PRR16: variants seen among roughly 807,000 people sequenced by gnomAD.
PRR16 encodes the protein proline rich 16.
Under a neutral mutation model 18.2 loss-of-function variants are expected in PRR16, and 6 were observed. The ratio of observed to expected loss-of-function variants is 0.33; its 90% CI spans 0.18 to 0.65. The LOEUF (loss-of-function observed/expected upper bound fraction) is 0.65. PRR16 is among the 30% of genes least tolerant of loss of function. The pLI is 0.74. For missense variants in PRR16, 412 were observed against 376.6 expected (o/e 1.09, Z -0.78); for synonymous variants, 151 against 147.8 (o/e 1.02, Z -0.16).
chr5:120,773,532 T>C, the PRR16 span, among the ~76,000 whole-genome samples: 2 of 152,182 alleles, frequency 1.3e-5, no homozygotes, highest in South Asian at 4.1e-4. Flanking sequence ...CTCAATACTT[T>C]CATTTCTTTC....
intron 1 of PRR16, among the ~76,000 whole-genome samples, chr5:120,558,133 G>T (rs1374329271): frequency 6.6e-6 from 1 of 151,814 alleles, no homozygotes; most frequent in Non-Finnish European, 1.5e-5. Flanking sequence ...TTTATCCTTT[G>T]TTTTACAAAT....
intron 1 of PRR16, among the ~76,000 whole-genome samples, chr5:120,468,189 G>C (rs1749163394): frequency 6.6e-6 from 1 of 152,190 alleles, no homozygotes; most frequent in African/African-American, 2.4e-5. Flanking sequence ...AGCTTAAAAA[G>C]ATGAAAATAT....
intron 1 of PRR16, among the ~76,000 whole-genome samples, chr5:120,553,704 C>A (rs950652883): frequency 3.3e-5 from 5 of 151,878 alleles, no homozygotes; most frequent in African/African-American, 1.2e-4. Context: ...GTCTTTCATT[C>A]CGCAATTCTG....
intron 1 of PRR16, among the ~76,000 whole-genome samples, chr5:120,555,807 T>G (rs149788330): frequency 3.4e-5 from 5 of 145,056 alleles, no homozygotes; most frequent in Non-Finnish European, 6.1e-5. Context: ...AAAGGTTTTT[T>G]TTTTTTTTAT....
the PRR16 span, among the ~76,000 whole-genome samples, chr5:120,726,904 T>C: frequency 1.3e-3 from 196 of 152,232 alleles, 1 homozygote; most frequent in African/African-American, 4.5e-3. Flanking sequence ...ATTGTTACTA[T>C]AGTTTAGAAG....
intron 1 of PRR16, among the ~76,000 whole-genome samples, chr5:120,622,812 A>G (rs1344401036): frequency 6.6e-6 from 1 of 152,004 alleles, no homozygotes; most frequent in Non-Finnish European, 1.5e-5. Context: ...TACTTCTTGC[A>G]CTCTTTAAAT....
intron 1 of PRR16, among the ~76,000 whole-genome samples, chr5:120,613,731 T>G (rs556305901): frequency 2.8e-3 from 430 of 152,310 alleles, no homozygotes; most frequent in Non-Finnish European, 4.8e-3. Context: ...ACACATCGTT[T>G]AGATGATGGC....
the PRR16 span, among the ~76,000 whole-genome samples, chr5:120,771,511 C>T: frequency 2.0e-5 from 3 of 152,036 alleles, no homozygotes; most frequent in South Asian, 2.1e-4. Flanking sequence ...ACTATACAAT[C>T]GAGAGATGTC....
intron 1 of PRR16, among the ~76,000 whole-genome samples, chr5:120,524,889 A>C (rs767965167): frequency 6.6e-6 from 1 of 152,138 alleles, no homozygotes; most frequent in Non-Finnish European, 1.5e-5. Context: ...GCTGGCAAAA[A>C]GGTTAACCAT....
chr5:120,753,621 T>C, the PRR16 span, among the ~76,000 whole-genome samples: 1 of 151,340 alleles, frequency 6.6e-6, no homozygotes, highest in Non-Finnish European at 1.5e-5. Flanking sequence ...ATGGTGATGA[T>C]AGTGATGAAT....
At chr5:120,731,593 T>G in the PRR16 span, among the ~76,000 whole-genome samples, 12 of 152,204 alleles carry the variant, frequency 7.9e-5, no homozygotes, top group Non-Finnish European at 1.6e-4. Context: ...TACCAGCACA[T>G]CATTGGATTT....
chr5:120,764,731 A>T, the PRR16 span, among the ~76,000 whole-genome samples: 1 of 152,080 alleles, frequency 6.6e-6, no homozygotes, highest in Non-Finnish European at 1.5e-5. Context: ...TTAATTAAGC[A>T]CCTTATTACT....
At chr5:120,477,747 T>C (rs1749487922) in intron 1 of PRR16, among the ~76,000 whole-genome samples, 1 of 152,190 alleles carries the variant, frequency 6.6e-6, no homozygotes. Flanking sequence ...GTTATGGTTC[T>C]AATGTCCTCC....
chr5:120,770,339 A>C, the PRR16 span, among the ~76,000 whole-genome samples: 1 of 152,030 alleles, frequency 6.6e-6, no homozygotes, highest in Non-Finnish European at 1.5e-5. Context: ...AGTCTCTTCC[A>C]CAAATGGCGT....
At chr5:120,730,442 A>G in the PRR16 span, among the ~76,000 whole-genome samples, 5 of 152,178 alleles carry the variant, frequency 3.3e-5, no homozygotes, top group East Asian at 9.6e-4. Context: ...TGACTGGGGA[A>G]ATTTCTAAGC....
At chr5:120,653,846 A>C (rs1314469454) in intron 1 of PRR16, among the ~76,000 whole-genome samples, 1 of 152,030 alleles carries the variant, frequency 6.6e-6, no homozygotes, top group Non-Finnish European at 1.5e-5. Flanking sequence ...GACCTTTTAA[A>C]AGTGAGTAAT....
At chr5:120,570,726 G>A (rs771391049) in intron 1 of PRR16, among the ~76,000 whole-genome samples, 6 of 151,902 alleles carry the variant, frequency 3.9e-5, no homozygotes, top group Non-Finnish European at 8.8e-5. Flanking sequence ...AATGAACAAA[G>A]TATAAAAACA....
rs1390930251 is a variant in PRR16, at chr5:120,686,182, A to T, written c.388A>T (p.Thr130Ser). The T allele has an allele frequency of 6.2e-7, 1 of 1,614,142 alleles. No homozygotes were observed. Among genetic ancestry groups the T allele is most frequent in the African/African-American group, 1.3e-5 (1 of 75,046 alleles). Residue 130 changes from threonine (T) to serine (S), a missense_variant, in exon 2 of 2, where the codon ACA becomes TCA. Thr to Ser is a moderately conservative substitution (Grantham distance 58). Transcript: ENST00000407149. ...CCCTCCACCACCTCCTCCAAGGTTG[A>T]CACCTGTGAAGTGTGAAGACCCCAA... ...PNPPPPPPRL[T>S]PVKCEDPKRV...
At chr5:120,663,217 C>G (rs1364115939) in intron 1 of PRR16, among the ~76,000 whole-genome samples, 9 of 151,440 alleles carry the variant, frequency 5.9e-5, no homozygotes, top group Admixed American at 5.9e-4. Context: ...TTTTTTTTTC[C>G]CTTAGCTGAT....
Sources: gnomAD v4.1 joint callset for allele counts (sites outside exome capture counted in the v4.1 genomes callset) on GRCh38, gnomAD v4.1.1 for gene constraint, MANE v1.5 for transcripts, NCBI Gene and HGNC (gene_info 2026-07-23, HGNC 2026-07-21) for gene names.